C12orf42: variants seen among roughly 807,000 people sequenced by gnomAD.
C12orf42 encodes the protein chromosome 12 open reading frame 42.
Under a neutral mutation model 21.6 loss-of-function variants are expected in C12orf42, and 25 were observed. The ratio of observed to expected loss-of-function variants is 1.16; its 90% CI spans 0.84 to 1.62. C12orf42 has a LOEUF of 1.62. Among genes scored for constraint, C12orf42 ranks in the 40% most tolerant of loss-of-function variants. The pLI is 0.00. For synonymous variants in C12orf42, 174 were observed against 175.0 expected (o/e 0.99, Z 0.05); for missense variants, 483 against 459.3 (o/e 1.05, Z -0.47).
chr12:103,498,806 A>G (rs980995449), upstream of C12orf42, among the ~76,000 whole-genome samples: 1 of 146,500 alleles, frequency 6.8e-6, no homozygotes, highest in Admixed American at 6.9e-5. Flanking sequence ...TCACTTATAA[A>G]TGGAAGCTGA....
At chr12:103,183,516 C>A in the C12orf42 span, among the ~76,000 whole-genome samples, 12 of 151,654 alleles carry the variant, frequency 7.9e-5, no homozygotes, top group Non-Finnish European at 1.6e-4. Flanking sequence ...TTTTGAATAA[C>A]CAGCTTTTGG....
chr12:103,311,787 T>A (rs1198825579), intron 4 of C12orf42, among the ~76,000 whole-genome samples: 3 of 152,180 alleles, frequency 2.0e-5, no homozygotes, highest in African/African-American at 7.2e-5. Flanking sequence ...TTTAAAAATA[T>A]AAACACGTGC....
At chr12:103,142,226 T>C in the C12orf42 span, among the ~76,000 whole-genome samples, 1 of 152,174 alleles carries the variant, frequency 6.6e-6, no homozygotes, top group South Asian at 2.1e-4. Flanking sequence ...ATTAATGAGA[T>C]TGTTAAAGTC....
At chr12:103,084,815 G>A in the C12orf42 span, among the ~76,000 whole-genome samples, 40 of 152,262 alleles carry the variant, frequency 2.6e-4, no homozygotes, top group Middle Eastern at 3.4e-3. Context: ...TTTACTAGGG[G>A]CTAAGTTTTA....
At chr12:103,402,535 C>T (rs1398692523) in intron 2 of C12orf42, among the ~76,000 whole-genome samples, 1 of 152,172 alleles carries the variant, frequency 6.6e-6, no homozygotes, top group Admixed American at 6.5e-5. Flanking sequence ...AAATCTGTCA[C>T]CAGGATACAA....
At chr12:103,324,889 C>T (rs746156809) in intron 4 of C12orf42, among the ~76,000 whole-genome samples, 3 of 152,162 alleles carry the variant, frequency 2.0e-5, no homozygotes, top group Non-Finnish European at 4.4e-5. Flanking sequence ...ATAAACCTGA[C>T]ATTGGTGTTG....
At chr12:103,229,169 C>T in the C12orf42 span, among the ~76,000 whole-genome samples, 1 of 152,148 alleles carries the variant, frequency 6.6e-6, no homozygotes. Flanking sequence ...CTTCAGTATC[C>T]CTTTCTTCAT....
chr12:103,220,692 G>A, the C12orf42 span, among the ~76,000 whole-genome samples: 2 of 116,456 alleles, frequency 1.7e-5, no homozygotes, highest in Non-Finnish European at 1.9e-5. Context: ...TTGACGAGTC[G>A]GCCTCCCCCG....
At chr12:103,068,906 GAT>G in the C12orf42 span, among the ~76,000 whole-genome samples, 8 of 84,356 alleles carry the variant, frequency 9.5e-5, no homozygotes, top group African/African-American at 2.7e-4. Flanking sequence ...TAGATAGATA[GAT>G]ATAGATATAT....
the C12orf42 span, among the ~76,000 whole-genome samples, chr12:103,518,700 AC>A: frequency 6.6e-6 from 1 of 152,176 alleles, no homozygotes; most frequent in Non-Finnish European, 1.5e-5. Flanking sequence ...GCCACAAATG[AC>A]AAAAACCCTC....
chr12:103,367,988 T>A, intron 4 of C12orf42: 3 of 1,079,278 alleles, frequency 2.8e-6, no homozygotes, highest in Non-Finnish European at 3.7e-6. Context: ...TAATGCGTTG[T>A]TCAAATGAAA....
chr12:103,507,960 C>T, the C12orf42 span, among the ~76,000 whole-genome samples: 1 of 152,128 alleles, frequency 6.6e-6, no homozygotes, highest in Admixed American at 6.6e-5. Flanking sequence ...CTATTCATCC[C>T]TGTGTGAAGT....
the C12orf42 span, among the ~76,000 whole-genome samples, chr12:103,082,309 T>G: frequency 6.6e-6 from 1 of 152,200 alleles, no homozygotes; most frequent in Non-Finnish European, 1.5e-5. Flanking sequence ...GTAGCAAGTA[T>G]AAACCAGACA....
intron 2 of C12orf42, among the ~76,000 whole-genome samples, chr12:103,476,667 G>C (rs1954076181): frequency 6.6e-6 from 1 of 152,148 alleles, no homozygotes; most frequent in Non-Finnish European, 1.5e-5. Context: ...GAGTAAATGT[G>C]TACTTTATGA....
the C12orf42 span, among the ~76,000 whole-genome samples, chr12:103,218,164 C>T: frequency 1.3e-5 from 2 of 151,542 alleles, no homozygotes; most frequent in Non-Finnish European, 2.9e-5. Flanking sequence ...CCTGTAATCC[C>T]AACTACTCAA....
chr12:103,067,752 A>G, the C12orf42 span, among the ~76,000 whole-genome samples: 1 of 152,212 alleles, frequency 6.6e-6, no homozygotes, highest in Non-Finnish European at 1.5e-5. Flanking sequence ...CAATGATTCC[A>G]TTAAACTAGA....
intron 2 of C12orf42, among the ~76,000 whole-genome samples, chr12:103,432,728 A>G (rs942487187): frequency 6.6e-5 from 10 of 152,158 alleles, no homozygotes; most frequent in African/African-American, 2.4e-4. Context: ...GGTGGGTCCT[A>G]ATCCAATATG....
At chr12:103,096,923 G>C in the C12orf42 span, among the ~76,000 whole-genome samples, 1 of 152,138 alleles carries the variant, frequency 6.6e-6, no homozygotes, top group African/African-American at 2.4e-5. Flanking sequence ...CTTCCTCCTT[G>C]TGTCTATATG....
intron 3 of C12orf42, among the ~76,000 whole-genome samples, chr12:103,394,064 T>C (rs1428283227): frequency 6.6e-6 from 1 of 152,256 alleles, no homozygotes; most frequent in Non-Finnish European, 1.5e-5. Flanking sequence ...CAGATGTTCA[T>C]ACTGGATATT....
Sources: gnomAD v4.1 joint callset for allele counts (sites outside exome capture counted in the v4.1 genomes callset) on GRCh38, gnomAD v4.1.1 for gene constraint, MANE v1.5 for transcripts, NCBI Gene and HGNC (gene_info 2026-07-23, HGNC 2026-07-21) for gene names.